Variants in CKAP5 observed in about 807,000 individuals in gnomAD.
CKAP5 encodes the protein cytoskeleton-associated protein 5.
Under a neutral mutation model 232.8 loss-of-function variants are expected in CKAP5, and 27 were observed. That is an observed-to-expected ratio of 0.12 (90% CI 0.09 to 0.16). The LOEUF (loss-of-function observed/expected upper bound fraction) is 0.16, where lower values mean the gene tolerates loss of function less well. Ranked by LOEUF, CKAP5 falls within the 10% of genes least tolerant of loss-of-function variation. The pLI is 1.00. For missense variants in CKAP5, 1,838 were observed against 2,424.7 expected (o/e 0.76, Z 5.08); for synonymous variants, 785 against 841.1 (o/e 0.93, Z 1.16).
chr11:46,813,924 G>C (rs543469130), intron 4 of CKAP5, among the ~76,000 whole-genome samples: 11 of 151,802 alleles, frequency 7.2e-5, no homozygotes, highest in Admixed American at 2.0e-4. Context: ...TTGATGCCAG[G>C]AGTTCCAGAC....
At chr11:46,801,406 A>C in intron 8 of CKAP5, 102 bp from the exon 9 acceptor site, 3 of 838,030 alleles carry the variant, frequency 3.6e-6, no homozygotes, top group Non-Finnish European at 5.7e-6. Flanking sequence ...GCAGCGGCTC[A>C]CACCTGTAAT....
At chr11:46,843,527 T>G (rs1217120189) in intron 1 of CKAP5, among the ~76,000 whole-genome samples, 1 of 151,932 alleles carries the variant, frequency 6.6e-6, no homozygotes, top group Non-Finnish European at 1.5e-5. Flanking sequence ...GCCCAGGAGT[T>G]CGAGACCAGC....
In CKAP5 at chr11:46,784,664, T is replaced by C; in HGVS notation, c.1978A>G (p.Met660Val). Residue 660 changes from methionine (M) to valine (V), a missense_variant, in exon 17 of 44, where the codon ATG (methionine) becomes GTG (valine). Met to Val is a conservative substitution (Grantham distance 21, BLOSUM62 1). Around this residue, in one of 6 missense-constraint regions of CKAP5, gnomAD observed 767 missense variants for 954.6 expected, o/e 0.80. Transcript: ENST00000529230. Reference protein sequence around the residue: ...WKETNFQVMQMKLHIVALIAQ... With the variant: ...WKETNFQVMQVKLHIVALIAQ... ...ATCAAAGCAACTATATGAAGCTTCA[T>C]TTGCATCACCTGAACAAGGATCAGT... is the stretch of plus-strand genomic sequence containing the variant. The C allele has an allele frequency of 6.2e-7, 1 of 1,613,506 alleles. No individual in the cohort carries two copies. Among genetic ancestry groups the C allele is most frequent in the Non-Finnish European group, 8.5e-7 (1 of 1,179,572 alleles).
intron 18 of CKAP5, chr11:46,783,068 T>C: frequency 5.9e-6 from 2 of 341,296 alleles, no homozygotes; most frequent in Non-Finnish European, 1.1e-5. Flanking sequence ...AAAAATAACG[T>C]AGAGAACTCT....
intron 31 of CKAP5, 93 bp from the exon 32 acceptor site, chr11:46,762,286 G>A (rs2065161939): frequency 9.1e-6 from 12 of 1,316,440 alleles, no homozygotes; most frequent in Non-Finnish European, 1.2e-5. Context: ...CATATATGAA[G>A]GACTAAAACC....
In CKAP5 at chr11:46,743,985, A is replaced by T; in HGVS notation, c.*38T>A. 6.2e-7 allele frequency: 1 copy of T among 1,611,434 alleles called. No homozygotes were observed. The highest frequency in any genetic ancestry group is 8.5e-7 in the Non-Finnish European group (1 of 1,179,656). ...AAACTATGAGGACTTCTAGTTTAGT[A>T]AACTAAAGCTGCAGGGTGCCGGGGG... is the stretch of plus-strand genomic sequence containing the variant. On this transcript the variant is annotated 3_prime_UTR_variant, in exon 44 of 44. Transcript: ENST00000529230.
intron 32 of CKAP5, among the ~76,000 whole-genome samples, chr11:46,761,065 A>G (rs1159329579): frequency 6.6e-6 from 1 of 152,066 alleles, no homozygotes; most frequent in African/African-American, 2.4e-5. Flanking sequence ...CTTGGGCAAC[A>G]TGGTGAAACC....
rs146331406 is a variant in CKAP5 at position 46,834,815 on chromosome 11, T to C, written c.-38+11405A>G. 1.9e-3 allele frequency among the ~76,000 whole-genome samples: 285 copies of C among 152,236 alleles called. 1 individual carries two copies. The highest frequency in any genetic ancestry group is 6.6e-3 in the African/African-American group (274 of 41,544). ...TTATGTACTGGATAGAGATTTTTCT[T>C]TTCTTTTTTAGACAGGGTCTCACTC... On this transcript the variant is annotated intron_variant, in intron 1 of 43. Transcript: ENST00000529230.
intron 7 of CKAP5, among the ~76,000 whole-genome samples, chr11:46,808,519 C>T (rs918481035): frequency 6.6e-6 from 1 of 151,790 alleles, no homozygotes; most frequent in South Asian, 2.1e-4. Flanking sequence ...CTAGCCTGGG[C>T]GACAGAGCGA....
chr11:46,806,426 C>T (rs1939156552), intron 8 of CKAP5, among the ~76,000 whole-genome samples: 1 of 152,216 alleles, frequency 6.6e-6, no homozygotes, highest in Non-Finnish European at 1.5e-5. Context: ...GAAGAATTGA[C>T]AGAGAATCTG....
At chr11:46,834,806 G>C (rs1230863825) in intron 1 of CKAP5, among the ~76,000 whole-genome samples, 1 of 151,972 alleles carries the variant, frequency 6.6e-6, no homozygotes, top group Non-Finnish European at 1.5e-5. Flanking sequence ...ACTGGATAGA[G>C]ATTTTTCTTT....
chr11:46,783,072 G>T (rs2065357181), intron 18 of CKAP5: 2 of 351,224 alleles, frequency 5.7e-6, no homozygotes, highest in Non-Finnish European at 1.0e-5. Context: ...ATAACGTAGA[G>T]AACTCTTTCA....
rs2065054624 is a variant in CKAP5 at position 46,750,425 on chromosome 11, T to C, written c.5553A>G (p.Ala1851=). ...GSKENTKEGL[A]ELYEYKKKYS... ...ATTTCTTCTTATATTCATATAACTC[T>C]GCTAGTCCCTGGTGAACAGGAAAAG... The change falls in exon 42 of 44, where the codon GCA becomes GCG. Residue 1851 remains alanine (A), a synonymous_variant. Transcript: ENST00000529230. 2 of 1,614,110 alleles carry C rather than the reference T, an allele frequency of 1.2e-6. No individual in the cohort carries two copies. Among genetic ancestry groups the C allele is most frequent in the Non-Finnish European group, 1.7e-6 (2 of 1,179,958 alleles).
At chr11:46,754,099 A>C (rs2065091949) in intron 36 of CKAP5, among the ~76,000 whole-genome samples, 1 of 150,962 alleles carries the variant, frequency 6.6e-6, no homozygotes, top group African/African-American at 2.4e-5. Context: ...CCTGGGTTCA[A>C]GCAATTCTCT....
At chr11:46,752,187 TATATATACACACACACACACAC>T (rs1462755396) in intron 38 of CKAP5, among the ~76,000 whole-genome samples, 1 of 67,918 alleles carries the variant, frequency 1.5e-5, no homozygotes, top group African/African-American at 4.5e-5. Context: ...TATATATATA[TATATATACACACACACACACAC>T]ACACACACAC....
In CKAP5 at chr11:46,798,218, T is replaced by A. The variant is rs374968931; in HGVS notation, c.1084-46A>T. The A allele has an allele frequency of 4.9e-6, 6 of 1,219,318 alleles. No individual in the cohort carries two copies. The African/African-American group carries it at 9.0e-5, about 18-fold the overall frequency. The allele number at this position is 1,219,318 out of a possible 1,614,324, so 75.5% of individuals were successfully genotyped here. ...CACATTATTCAGCAACAAAGAGGAA[T>A]GATATATTGATATATCCTAGAACAT... On this transcript the variant is annotated intron_variant, in intron 9 of 43. Coordinates refer to ENST00000529230, the MANE Select transcript of CKAP5 (RefSeq NM_001008938.4).
chr11:46,769,009 T>A (rs1565725870), intron 26 of CKAP5, among the ~76,000 whole-genome samples: 1 of 152,068 alleles, frequency 6.6e-6, no homozygotes, highest in Non-Finnish European at 1.5e-5. Context: ...AACCTCTGCC[T>A]CCCGGATTCA....
chr11:46,778,413 A>G (rs1353570129), intron 21 of CKAP5, 47 bp downstream of exon 21: 8 of 1,611,584 alleles, frequency 5.0e-6, no homozygotes, highest in South Asian at 1.1e-5. Context: ...AACATTCTGA[A>G]TTCAATACAA....
At position 46,796,799 on chromosome 11, in the gene CKAP5, A is replaced by G. The variant is rs1432275066; in HGVS notation, c.1467+13T>C. On this transcript the variant is annotated intron_variant, in intron 12 of 43. Transcript: ENST00000529230. ...ATGTTGTCCAATTTCAGTCCAATCC[A>G]TTACTAACCTACCTTATCAAGCTTG... is the stretch of plus-strand genomic sequence containing the variant. 1.2e-6 allele frequency: 2 copies of G among 1,613,202 alleles called. No individual in the cohort carries two copies. Among genetic ancestry groups the G allele is most frequent in the Non-Finnish European group, 1.7e-6 (2 of 1,179,554 alleles).
Sources: gnomAD v4.1 joint callset for allele counts (sites outside exome capture counted in the v4.1 genomes callset) on GRCh38, gnomAD v4.1.1 for gene constraint, gnomAD v4.1.1 regional missense constraint, MANE v1.5 for transcripts, NCBI Gene and HGNC (gene_info 2026-07-23, HGNC 2026-07-21) for gene names.